Variants in PHTF2 observed in about 807,000 individuals in gnomAD.
PHTF2 encodes protein PHTF2.
PHTF2 carries 60 observed loss-of-function variants against 101.2 expected under a neutral mutation model. The ratio of observed to expected loss-of-function variants is 0.59; its 90% CI spans 0.48 to 0.73. PHTF2 has a LOEUF of 0.73. PHTF2 is among the 30% of genes least tolerant of loss of function. The pLI, the probability that PHTF2 is intolerant of heterozygous loss-of-function variation, is 0.00. For missense variants in PHTF2, 747 were observed against 908.7 expected, an observed-to-expected ratio of 0.82 and a Z score of 2.29; for synonymous variants, 311 against 307.3, an observed-to-expected ratio of 1.01 and a Z score of -0.13.
intron 3 of PHTF2, among the ~76,000 whole-genome samples, chr7:77,866,913 A>T (rs536641041): frequency 6.6e-6 from 1 of 152,346 alleles, no homozygotes; most frequent in South Asian, 2.1e-4. Context: ...TATGATGAGT[A>T]GTAAAAGAAT....
chr7:77,848,648 C>T (rs1307644233), intron 2 of PHTF2, among the ~76,000 whole-genome samples: 4 of 151,978 alleles, frequency 2.6e-5, no homozygotes, highest in African/African-American at 9.7e-5. Context: ...TATTTTCTAT[C>T]ATTCTGTAGG....
chr7:77,932,596 GAGAGAA>G (rs1194695919), intron 12 of PHTF2, among the ~76,000 whole-genome samples: 46 of 128,862 alleles, frequency 3.6e-4, no homozygotes, highest in African/African-American at 1.2e-3. Flanking sequence ...AAGAGAGAGA[GAGAGAA>G]AGAGAGAGAG....
intron 12 of PHTF2, among the ~76,000 whole-genome samples, chr7:77,935,214 C>CTTTTTT (rs1158677069): frequency 1.7e-5 from 1 of 59,278 alleles, no homozygotes; most frequent in Non-Finnish European, 3.2e-5. Flanking sequence ...GTAATTTACC[C>CTTTTTT]TTTTTTTTTT....
At chr7:77,846,671 C>T in intron 2 of PHTF2, among the ~76,000 whole-genome samples, 1 of 146,576 alleles carries the variant, frequency 6.8e-6, no homozygotes, top group Non-Finnish European at 1.5e-5. Flanking sequence ...TCCTGCCTAT[C>T]TCGCTCTGTC....
intron 3 of PHTF2, among the ~76,000 whole-genome samples, chr7:77,878,113 A>G (rs560171802): frequency 6.6e-6 from 1 of 152,318 alleles, no homozygotes; most frequent in South Asian, 2.1e-4. Context: ...TTTTTGCAGC[A>G]GAGAGTTGAA....
At chr7:77,861,134 A>G (rs1797610484) in intron 3 of PHTF2, among the ~76,000 whole-genome samples, 1 of 151,614 alleles carries the variant, frequency 6.6e-6, no homozygotes, top group African/African-American at 2.4e-5. Context: ...CTTATTCTTT[A>G]ATTTCTTTTT....
intron 3 of PHTF2, among the ~76,000 whole-genome samples, chr7:77,872,902 A>G (rs1798634083): frequency 6.6e-6 from 1 of 151,680 alleles, no homozygotes. Context: ...TTTAATCCGG[A>G]TTTCAGCAAA....
At chr7:77,871,712 G>A (rs565979708) in intron 3 of PHTF2, among the ~76,000 whole-genome samples, 92 of 152,300 alleles carry the variant, frequency 6.0e-4, no homozygotes, top group East Asian at 3.7e-3. Context: ...TTGTGACTTC[G>A]AAAGGGTATT....
intron 3 of PHTF2, among the ~76,000 whole-genome samples, chr7:77,888,272 G>A (rs914974830): frequency 6.6e-6 from 1 of 152,032 alleles, no homozygotes; most frequent in Non-Finnish European, 1.5e-5. Flanking sequence ...GCGCCACCAC[G>A]CCCAGCTAAT....
chr7:77,804,761 C>T (rs1488765921), intron 1 of PHTF2, among the ~76,000 whole-genome samples: 2 of 152,210 alleles, frequency 1.3e-5, no homozygotes, highest in African/African-American at 2.4e-5. Context: ...AATCATGCCT[C>T]GTCCCAACAC....
At chr7:77,801,490 A>G (rs1792547877) in intron 1 of PHTF2, among the ~76,000 whole-genome samples, 1 of 152,136 alleles carries the variant, frequency 6.6e-6, no homozygotes, top group African/African-American at 2.4e-5. Flanking sequence ...GGAGGCTGAT[A>G]CAGGAGAATC....
intron 2 of PHTF2, among the ~76,000 whole-genome samples, chr7:77,846,855 T>G (rs955681006): frequency 6.6e-6 from 1 of 152,056 alleles, no homozygotes; most frequent in African/African-American, 2.4e-5. Context: ...GTTGCCCAAG[T>G]TGGTCTTGAA....
chr7:77,860,279 C>G (rs1797528544), intron 3 of PHTF2, among the ~76,000 whole-genome samples: 1 of 152,128 alleles, frequency 6.6e-6, no homozygotes, highest in Non-Finnish European at 1.5e-5. Flanking sequence ...AAAATTTATA[C>G]TCTTATTGAA....
At chr7:77,881,866 A>T (rs1045234887) in intron 3 of PHTF2, among the ~76,000 whole-genome samples, 4 of 152,234 alleles carry the variant, frequency 2.6e-5, no homozygotes, top group African/African-American at 9.6e-5. Flanking sequence ...GGTATGCAAC[A>T]GTACTTACTT....
At chr7:77,893,703 G>A in intron 4 of PHTF2, 39 bp downstream of exon 3, 1 of 838,948 alleles carries the variant, frequency 1.2e-6, no homozygotes, top group Non-Finnish European at 2.0e-6. Flanking sequence ...TTGAAACATA[G>A]TTCTATGAAT....
At chr7:77,891,434 A>G (rs960296232) in intron 3 of PHTF2, among the ~76,000 whole-genome samples, 40 of 149,536 alleles carry the variant, frequency 2.7e-4, no homozygotes, top group African/African-American at 1.0e-3. Context: ...AGGACTAACC[A>G]GTTGGTTGTT....
intron 7 of PHTF2, among the ~76,000 whole-genome samples, chr7:77,908,513 C>T (rs968695381): frequency 2.0e-5 from 3 of 151,992 alleles, no homozygotes; most frequent in Non-Finnish European, 2.9e-5. Flanking sequence ...TAGAAATGTC[C>T]TTTGATTCAT....
rs2150850924 is a variant in PHTF2, at chr7:77,906,271, C to G, written c.446-2522C>G. The G allele has an allele frequency of 1.3e-5, 2 of 152,366 alleles. 1 individual carries two copies. The highest frequency in any genetic ancestry group is 4.1e-4 in the South Asian group (2 of 4,828). The allele number at this position is 152,366 out of a possible 1,614,324, so 9.4% of individuals were successfully genotyped here. A position where few individuals can be genotyped will look rare whatever the true frequency, so the allele number is the denominator to read the frequency against. The stretch of plus-strand genomic sequence containing the variant: ...AAAGTGCTGAGATTACAGGCAGGAG[C>G]TACCACGCCCGGCTCTCCATATATC... On this transcript the variant is annotated intron_variant, in intron 7 of 19. Coordinates refer to ENST00000416283, the Ensembl canonical transcript of PHTF2.
chr7:77,947,051 G>A (rs1000990177), intron 16 of PHTF2, among the ~76,000 whole-genome samples: 21 of 151,770 alleles, frequency 1.4e-4, no homozygotes, highest in African/African-American at 4.4e-4. Context: ...GCCTTGGGAG[G>A]TCAAGGCTGC....
Sources: allele counts gnomAD v4.1 joint callset (sites outside exome capture counted in the v4.1 genomes callset), GRCh38; gene constraint gnomAD v4.1.1; transcripts MANE v1.5; gene names NCBI Gene and HGNC (gene_info 2026-07-23, HGNC 2026-07-21).